Variants in RSBN1L observed in about 807,000 individuals in gnomAD.
The protein encoded by RSBN1L is round spermatid basic protein 1 like, also known as lysine-specific demethylase RSBN1L.
A neutral mutation model predicts 67.7 loss-of-function variants in RSBN1L; 30 were observed. The ratio of observed to expected loss-of-function variants is 0.44; its 90% confidence interval spans 0.33 to 0.60. RSBN1L has a LOEUF of 0.60. Ranked by LOEUF, RSBN1L falls within the 20% of genes least tolerant of loss-of-function variation. RSBN1L has a pLI of 0.02. For synonymous variants in RSBN1L, 433 were observed against 387.0 expected, an observed-to-expected ratio of 1.12 and a Z score of -1.39; for missense variants, 992 against 1,031.7, an observed-to-expected ratio of 0.96 and a Z score of 0.53.
chr7:77,716,844 T>A (rs961852302), intron 1 of RSBN1L, among the ~76,000 whole-genome samples: 1 of 151,892 alleles, frequency 6.6e-6, no homozygotes, highest in Non-Finnish European at 1.5e-5. Flanking sequence ...GTTGACCAGG[T>A]GGTCTTGAAC....
chr7:77,750,074 T>G lies in RSBN1L; in HGVS notation c.1344+10T>G, dbSNP rs1280218328. On this transcript the variant is annotated intron_variant, in intron 3 of 7. Coordinates refer to ENST00000334955, the MANE Select transcript of RSBN1L (RefSeq NM_198467.3). The stretch of plus-strand genomic sequence containing the variant: ...CAATTTTCATGCTCAGGTAAGAGGT[T>G]TTTAGTTTTATAAAATAACTTTTAA... 6.7e-7 allele frequency: 1 copy of G among 1,493,432 alleles called. No individual in the cohort carries two copies. The highest frequency in any genetic ancestry group is 8.9e-7 in the Non-Finnish European group (1 of 1,121,730). 92.5% of individuals were successfully genotyped at this position (1,493,432 alleles called of 1,614,324 possible).
In RSBN1L at chr7:77,780,456, T is replaced by A. The variant is rs943323222; in HGVS notation, c.*1288T>A. 2 of 152,120 alleles carry A rather than the reference T, an allele frequency of 1.3e-5. No homozygotes were observed. Among genetic ancestry groups the A allele is most frequent in the African/African-American group, 4.8e-5 (2 of 41,412 alleles). 9.4% of individuals were successfully genotyped at this position (152,120 alleles called of 1,614,324 possible). On this transcript the variant is annotated 3_prime_UTR_variant, in exon 8 of 8. Coordinates refer to ENST00000334955, the MANE Select transcript of RSBN1L (RefSeq NM_198467.3). ...TACCATAGATTTTTTTTATTGTGTA[T>A]GGGATGATAAGAAGTTTAGAGAATT...
At chr7:77,700,131 T>A (rs913581881) in intron 1 of RSBN1L, among the ~76,000 whole-genome samples, 2 of 152,176 alleles carry the variant, frequency 1.3e-5, no homozygotes, top group Non-Finnish European at 2.9e-5. Context: ...AATAACCTGA[T>A]TTTAGTGCTT....
At chr7:77,698,029 ACT>A (rs1399856523) in intron 1 of RSBN1L, among the ~76,000 whole-genome samples, 13 of 151,896 alleles carry the variant, frequency 8.6e-5, no homozygotes, top group African/African-American at 2.2e-4. Context: ...TTGTCAAATA[ACT>A]CTTTTTGTTT....
At chr7:77,768,594 A>G (rs992529809) in intron 4 of RSBN1L, 67 bp from the exon 5 acceptor site, 7 of 1,386,916 alleles carry the variant, frequency 5.0e-6, no homozygotes, top group Middle Eastern at 2.1e-4. Flanking sequence ...GAACAATATT[A>G]TTATTAACAT....
chr7:77,716,649 T>TC (rs1791052983), intron 1 of RSBN1L, among the ~76,000 whole-genome samples: 1 of 147,878 alleles, frequency 6.8e-6, no homozygotes, highest in East Asian at 2.0e-4. Context: ...TTTTTTTTTT[T>TC]TAGACGGTGT....
chr7:77,740,713 T>C (rs1791397235), intron 2 of RSBN1L, among the ~76,000 whole-genome samples: 1 of 152,042 alleles, frequency 6.6e-6, no homozygotes, highest in Admixed American at 6.6e-5. Context: ...TCTTAAAAGT[T>C]TTTTTTTATT....
rs778046888 is a variant in RSBN1L at position 77,696,495 on chromosome 7, A to C, written c.26A>C (p.His9Pro). 1.9e-6 allele frequency: 3 copies of C among 1,613,230 alleles called. No individual in the cohort carries two copies. The highest frequency in any genetic ancestry group is 8.5e-7 in the Non-Finnish European group (1 of 1,179,662). ...ATGGCGGAACCGCCGAGCCCCGTGCACTGTGTCGCTGCCGCGGCCCCCACC... is the reference window on the plus strand; with the variant it reads ...ATGGCGGAACCGCCGAGCCCCGTGCCCTGTGTCGCTGCCGCGGCCCCCACC... MAEPPSPV[H>P]CVAAAAPTAT... The change falls in exon 1 of 8, where the codon CAC becomes CCC. Residue 9 changes from histidine to proline, a missense_variant. His to Pro is a moderately conservative substitution (Grantham distance 77, BLOSUM62 -2). Transcript: ENST00000334955.
chr7:77,749,106 T>G (rs1267789415), intron 2 of RSBN1L, among the ~76,000 whole-genome samples: 1 of 152,062 alleles, frequency 6.6e-6, no homozygotes, highest in Admixed American at 6.6e-5. Context: ...ACACAAGAAT[T>G]AGCTGGGCAT....
intron 3 of RSBN1L, among the ~76,000 whole-genome samples, chr7:77,754,326 A>G (rs564357509): frequency 6.6e-6 from 1 of 152,364 alleles, no homozygotes; most frequent in Admixed American, 6.5e-5. Context: ...GTTATCTGCT[A>G]GAATATTGCT....
Position 77,773,054 on chromosome 7 carries a change from T to C in RSBN1L, c.1626-93T>C, listed in dbSNP as rs529989929. The C allele has an allele frequency of 5.1e-5, 32 of 624,850 alleles. No individual in the cohort carries two copies. The Admixed American group carries it at 9.2e-4, about 18-fold the overall frequency. The allele number at this position is 624,850 out of a possible 1,614,324, so 38.7% of individuals were successfully genotyped here. A position where few individuals can be genotyped will look rare whatever the true frequency, so the allele number is the denominator to read the frequency against. ...ATAGAATTTGATTTGAGAGCAAATT[T>C]CATATATTTTTGTCTGAATTATGTG... On this transcript the variant is annotated intron_variant, in intron 5 of 7. Coordinates refer to ENST00000334955, the MANE Select transcript of RSBN1L (RefSeq NM_198467.3).
intron 3 of RSBN1L, among the ~76,000 whole-genome samples, chr7:77,752,353 T>G (rs574336646): frequency 6.6e-6 from 1 of 152,316 alleles, no homozygotes; most frequent in East Asian, 1.9e-4. Flanking sequence ...GCTTTAGACT[T>G]AAAGGCAGGA....
At chr7:77,761,185 A>G (rs545545491) in intron 3 of RSBN1L, among the ~76,000 whole-genome samples, 1 of 152,270 alleles carries the variant, frequency 6.6e-6, no homozygotes, top group South Asian at 2.1e-4. Context: ...TATTTTCAGT[A>G]TTGGTTTGTC....
chr7:77,701,721 G>T (rs1482305458), intron 1 of RSBN1L, among the ~76,000 whole-genome samples: 1 of 145,902 alleles, frequency 6.9e-6, no homozygotes, highest in Non-Finnish European at 1.5e-5. Context: ...GCATGATCTT[G>T]GCTCACTGCA....
At chr7:77,754,757 C>T (rs1295044496) in intron 3 of RSBN1L, among the ~76,000 whole-genome samples, 1 of 152,040 alleles carries the variant, frequency 6.6e-6, no homozygotes, top group Non-Finnish European at 1.5e-5. Context: ...ATCACTAGGA[C>T]CCAGGAGTTT....
rs964513049 is a variant in RSBN1L, at chr7:77,780,822, C to T, written c.*1654C>T. 3.3e-5 allele frequency: 5 copies of T among 152,144 alleles called. No individual in the cohort carries two copies. The highest frequency in any genetic ancestry group is 1.2e-4 in the African/African-American group (5 of 41,426). 9.4% of individuals were successfully genotyped at this position (152,144 alleles called of 1,614,324 possible). ...CTAACTAAAGATGAGTAAAACAGAC[C>T]TCTTTAATGATAGACTCACTATTTG... On this transcript the variant is annotated 3_prime_UTR_variant, in exon 8 of 8. Transcript: ENST00000334955.
intron 1 of RSBN1L, among the ~76,000 whole-genome samples, chr7:77,710,065 A>T (rs1425203292): frequency 6.6e-6 from 1 of 152,116 alleles, no homozygotes; most frequent in Non-Finnish European, 1.5e-5. Context: ...ACTGTCTTTC[A>T]TATCTTTCCA....
In RSBN1L at chr7:77,749,676, A is replaced by G. The variant is rs746005299; in HGVS notation, c.956A>G (p.Glu319Gly). The G allele has an allele frequency of 6.2e-7, 1 of 1,614,088 alleles. No individual in the cohort carries two copies. The highest frequency in any genetic ancestry group is 1.1e-5 in the South Asian group (1 of 91,092). Residue 319 changes from glutamate (E) to glycine (G), a missense_variant, in exon 3 of 8, where the codon GAG becomes GGG. Glu to Gly is a moderately conservative substitution (Grantham distance 98). Coordinates refer to ENST00000334955, the MANE Select transcript of RSBN1L (RefSeq NM_198467.3). ...AAGAACTATGATTCCAAAATTCCAG[A>G]GAACAGTGAGTTTCCATTTGTCTCA... ...DTKNYDSKIP[E>G]NSEFPFVSLK...
intron 6 of RSBN1L, among the ~76,000 whole-genome samples, chr7:77,778,104 G>C: frequency 6.6e-6 from 1 of 152,194 alleles, no homozygotes; most frequent in Middle Eastern, 3.4e-3. Flanking sequence ...CCAAACTCTT[G>C]TGACAAATGT....
Sources: allele counts gnomAD v4.1 joint callset (sites outside exome capture counted in the v4.1 genomes callset), GRCh38; gene constraint gnomAD v4.1.1; transcripts MANE v1.5; gene names NCBI Gene and HGNC (gene_info 2026-07-23, HGNC 2026-07-21).